The following USO1 variants were observed in gnomAD, a reference collection of about 807,000 sequenced individuals.
USO1 encodes the protein USO1 vesicle transport factor.
A neutral mutation model predicts 124.5 loss-of-function variants in USO1; 57 were observed. The observed-to-expected ratio is 0.46, with a 90% CI of 0.37 to 0.57. USO1 has a LOEUF of 0.57. Among genes scored for constraint, USO1 ranks in the 20% least tolerant of loss-of-function variants. USO1 has a pLI of 0.00. For missense variants in USO1, 900 were observed against 1,040.6 expected (o/e 0.86, Z 1.86); for synonymous variants, 369 against 362.8 (o/e 1.02, Z -0.19).
intron 1 of USO1, among the ~76,000 whole-genome samples, chr4:75,737,820 A>T (rs1202009136): frequency 6.6e-6 from 1 of 151,268 alleles, no homozygotes; most frequent in African/African-American, 2.4e-5. Flanking sequence ...ATAATACATT[A>T]TTATTATTAT....
At chr4:75,796,331 C>T (rs1560458161) in intron 13 of USO1, among the ~76,000 whole-genome samples, 1 of 34,744 alleles carries the variant, frequency 2.9e-5, no homozygotes, top group Admixed American at 4.1e-4. Flanking sequence ...CCAGAAAGTT[C>T]CATCATGCTC....
intron 1 of USO1, 112 bp from the exon 2 acceptor site, chr4:75,752,261 C>T (rs1442252226): frequency 2.5e-6 from 1 of 395,498 alleles, no homozygotes; most frequent in Non-Finnish European, 4.4e-6. Flanking sequence ...AAGACCATTT[C>T]TGTTACATCC....
At chr4:75,734,436 A>T (rs1271535515) in intron 1 of USO1, among the ~76,000 whole-genome samples, 1 of 152,156 alleles carries the variant, frequency 6.6e-6, no homozygotes, top group Non-Finnish European at 1.5e-5. Flanking sequence ...GTCAAAGATC[A>T]GATGGTTGTA....
In USO1 at chr4:75,805,683, TG is replaced by T. The variant is rs1160082676; in HGVS notation, c.2289+381del. On this transcript the variant is annotated intron_variant, in intron 19 of 23. Transcript: ENST00000514213. ...GATCACCCCACTTCACCTCATTGCC[TG>T]TGCGACAGAGGGAGACTTTCCATCT... 2.6e-5 allele frequency among the ~76,000 whole-genome samples: 4 copies of T among 151,004 alleles called. No individual in the cohort carries two copies. The East Asian group carries it at 5.9e-4, about 22-fold the overall frequency.
chr4:75,727,572 G>C lies in USO1; in HGVS notation c.66+2687G>C, dbSNP rs1439634516. Reference sequence around the variant, plus strand: ...AAAGGGGTCATGGATTACTAATTTAGAAGTATTTATAGAGCATCAGTGGAG... The same window carrying C: ...AAAGGGGTCATGGATTACTAATTTACAAGTATTTATAGAGCATCAGTGGAG... On this transcript the variant is annotated intron_variant, in intron 1 of 23. Coordinates refer to ENST00000514213, the MANE Select transcript of USO1 (RefSeq NM_003715.4). 3.9e-5 allele frequency among the ~76,000 whole-genome samples: 6 copies of C among 152,278 alleles called. No homozygotes were observed. In the South Asian group the frequency reaches 6.2e-4, roughly 16 times the overall value.
At chr4:75,774,602 T>G (rs1460177665) in intron 7 of USO1, 74 bp from the exon 8 acceptor site, 2 of 1,506,140 alleles carry the variant, frequency 1.3e-6, no homozygotes, top group East Asian at 4.7e-5. Context: ...TCTAAAATTC[T>G]GTGATTTTTG....
chr4:75,724,921 G>A (rs1560428876), intron 1 of USO1, 36 bp downstream of exon 1: 2 of 1,610,772 alleles, frequency 1.2e-6, no homozygotes, highest in Non-Finnish European at 1.7e-6. Flanking sequence ...TTGGGAAGGG[G>A]TCCGGGCAGG....
intron 1 of USO1, among the ~76,000 whole-genome samples, chr4:75,750,677 G>T (rs1384533293): frequency 6.6e-6 from 1 of 151,832 alleles, no homozygotes; most frequent in Non-Finnish European, 1.5e-5. Flanking sequence ...TAGAGACAGG[G>T]TTTCACCATG....
chr4:75,785,776 T>A (rs1189348554), intron 9 of USO1, among the ~76,000 whole-genome samples: 1 of 152,114 alleles, frequency 6.6e-6, no homozygotes, highest in Admixed American at 6.6e-5. Context: ...TCAAAAAATA[T>A]CAAGTGGAGA....
At chr4:75,743,754 A>G (rs559753430) in intron 1 of USO1, among the ~76,000 whole-genome samples, 1 of 152,288 alleles carries the variant, frequency 6.6e-6, no homozygotes, top group East Asian at 1.9e-4. Context: ...ATAAAAATCA[A>G]TTACTAGAAA....
At chr4:75,772,505 G>A (rs61603278) in intron 7 of USO1, among the ~76,000 whole-genome samples, 21,282 of 151,952 alleles carry the variant, frequency 0.14, 2,581 homozygotes, top group African/African-American at 0.32. Flanking sequence ...CCAAAGTGCT[G>A]GGATTACAGG....
At chr4:75,790,051 A>G in intron 10 of USO1, 99 bp from the exon 11 acceptor site, 1 of 1,315,882 alleles carries the variant, frequency 7.6e-7, no homozygotes, top group Non-Finnish European at 1.0e-6. Context: ...GTATAATAAA[A>G]AAAAAAACAA....
intron 4 of USO1, among the ~76,000 whole-genome samples, chr4:75,760,956 A>T (rs1408052202): frequency 2.6e-5 from 4 of 152,082 alleles, no homozygotes; most frequent in Admixed American, 1.3e-4. Flanking sequence ...AGACCAGCCT[A>T]GCCAGCGTGG....
intron 1 of USO1, among the ~76,000 whole-genome samples, chr4:75,738,143 T>G (rs904486521): frequency 6.6e-6 from 1 of 151,906 alleles, no homozygotes; most frequent in African/African-American, 2.4e-5. Context: ...AATACACTAT[T>G]ATTTTTTAAA....
chr4:75,782,945 A>G, intron 9 of USO1, 87 bp downstream of exon 9: 1 of 1,436,764 alleles, frequency 7.0e-7, no homozygotes, highest in Middle Eastern at 2.5e-4. Flanking sequence ...TGATAAATCC[A>G]GAATATTTGA....
At chr4:75,792,694 TC>T (rs1266454935) in intron 12 of USO1, among the ~76,000 whole-genome samples, 2 of 151,868 alleles carry the variant, frequency 1.3e-5, no homozygotes, top group Non-Finnish European at 2.9e-5. Context: ...AGACCCTGTC[TC>T]CAAAAAAAAA....
intron 9 of USO1, among the ~76,000 whole-genome samples, chr4:75,785,548 A>G (rs75453751): frequency 0.012 from 1,786 of 152,146 alleles, 33 homozygotes; most frequent in African/African-American, 0.041. Flanking sequence ...CTGTCCTGAT[A>G]TGACTTCTGT....
chr4:75,811,157 C>CT lies in USO1; in HGVS notation c.2583+629dup, dbSNP rs939315988. ...ATTTTTGTTTTCTTTCTTTCTTTTT[C>CT]TTTTTTTTTTTGAGAGAGAGTCTCA... On this transcript the variant is annotated intron_variant, in intron 22 of 23. Coordinates refer to ENST00000514213, the MANE Select transcript of USO1 (RefSeq NM_003715.4). Among the ~76,000 whole-genome samples the CT allele has an allele frequency of 2.7e-3, 388 of 145,814 alleles. 1 individual carries two copies. Among genetic ancestry groups the CT allele is most frequent in the Non-Finnish European group, 4.2e-3 (279 of 65,868 alleles).
At chr4:75,801,456 G>T (rs141413895) in intron 17 of USO1, among the ~76,000 whole-genome samples, 6 of 152,174 alleles carry the variant, frequency 3.9e-5, no homozygotes, top group Non-Finnish European at 8.8e-5. Flanking sequence ...TTCTTTCCAG[G>T]ATACCAGTGA....
Sources: gnomAD v4.1 joint callset for allele counts (sites outside exome capture counted in the v4.1 genomes callset) on GRCh38, gnomAD v4.1.1 for gene constraint, MANE v1.5 for transcripts, NCBI Gene and HGNC (gene_info 2026-07-23, HGNC 2026-07-21) for gene names.